Variants in CPQ observed in about 807,000 individuals in gnomAD.
CPQ encodes the protein carboxypeptidase Q.
CPQ carries 37 observed loss-of-function variants against 45.7 expected under a neutral mutation model. The observed-to-expected ratio is 0.81, with a 90% CI of 0.62 to 1.07. The LOEUF (loss-of-function observed/expected upper bound fraction) is 1.07, where lower values mean the gene tolerates loss of function less well. Ranked by LOEUF, CPQ falls within the 50% of genes least tolerant of loss-of-function variation. The pLI, the probability that CPQ is intolerant of heterozygous loss-of-function variation, is 0.00. For synonymous variants in CPQ, 186 were observed against 205.8 expected (o/e 0.90, Z 0.82); for missense variants, 537 against 572.9 (o/e 0.94, Z 0.64).
At chr8:96,831,631 G>A (rs1811461922) in intron 2 of CPQ, among the ~76,000 whole-genome samples, 1 of 152,058 alleles carries the variant, frequency 6.6e-6, no homozygotes, top group Non-Finnish European at 1.5e-5. Context: ...TATTCCATTT[G>A]AGCAAAAATC....
intron 7 of CPQ, among the ~76,000 whole-genome samples, chr8:97,111,369 C>T (rs1220022801): frequency 1.3e-5 from 2 of 152,114 alleles, no homozygotes; most frequent in Non-Finnish European, 2.9e-5. Flanking sequence ...TACAACCTTC[C>T]CAGGATGAGA....
intron 2 of CPQ, among the ~76,000 whole-genome samples, chr8:96,834,120 C>G (rs1405671974): frequency 1.3e-5 from 2 of 152,132 alleles, no homozygotes; most frequent in Admixed American, 1.3e-4. Context: ...CCCTTTTACT[C>G]TAACTACTCC....
chr8:96,872,400 G>T (rs1222337046), intron 3 of CPQ, among the ~76,000 whole-genome samples: 2 of 151,766 alleles, frequency 1.3e-5, no homozygotes, highest in African/African-American at 4.8e-5. Context: ...TTTGGATTAG[G>T]GATGCTTAAA....
intron 1 of CPQ, among the ~76,000 whole-genome samples, chr8:96,735,266 G>A (rs1809967570): frequency 6.6e-6 from 1 of 152,098 alleles, no homozygotes; most frequent in Non-Finnish European, 1.5e-5. Context: ...ACTAGCCTAG[G>A]GCCTGGCATA....
intron 5 of CPQ, among the ~76,000 whole-genome samples, chr8:97,005,775 T>C (rs1809371649): frequency 6.6e-6 from 1 of 152,192 alleles, no homozygotes; most frequent in Non-Finnish European, 1.5e-5. Flanking sequence ...ATCAGTTTAA[T>C]GCAGTGAAAT....
At position 96,779,900 on chromosome 8, in the gene CPQ, T is replaced by G. The variant is rs566198845; in HGVS notation, c.-34-4964T>G. Among the ~76,000 whole-genome samples the G allele has an allele frequency of 2.6e-4, 40 of 152,292 alleles. No homozygotes were observed. In the South Asian group the frequency reaches 8.1e-3, roughly 31 times the overall value. ...AGTGGCTTTAGAAACCAGGACCCTA[T>G]GCATATAAATAGTTGTAATAAAAAG... On this transcript the variant is annotated intron_variant, in intron 1 of 7. Transcript: ENST00000220763.
rs748555287 is a variant in CPQ at position 96,785,253 on chromosome 8, C to CA, written c.357dup (p.Ala120SerfsTer10). 8.1e-6 allele frequency: 13 copies of CA among 1,613,448 alleles called. No individual in the cohort carries two copies. Among genetic ancestry groups the CA allele is most frequent in the Non-Finnish European group, 1.1e-5 (13 of 1,179,760 alleles). ...CCCCACTGGGAGAGGGGAGAAGAATCAGCTGTGATGCTGGAGCCAAGAATT... is the reference window on the plus strand; with the variant it reads ...CCCCACTGGGAGAGGGGAGAAGAATCAAGCTGTGATGCTGGAGCCAAGAATT... On this transcript the variant is annotated frameshift_variant, in exon 2 of 8. Transcript: ENST00000220763. LOFTEE classifies it high-confidence loss of function.
chr8:96,877,993 C>CAG (rs1159024233), intron 3 of CPQ, among the ~76,000 whole-genome samples: 1 of 151,852 alleles, frequency 6.6e-6, no homozygotes, highest in Non-Finnish European at 1.5e-5. Context: ...GACGGAGTCT[C>CAG]GCTCTGTCGC....
Position 96,690,629 on chromosome 8 carries a change from A to C in CPQ, c.-35+45227A>C, listed in dbSNP as rs180853506. Among the ~76,000 whole-genome samples, 67 of 152,296 alleles carry C rather than the reference A, an allele frequency of 4.4e-4. 2 individuals are homozygous for C. In the East Asian group the frequency reaches 0.011, roughly 25 times the overall value. ...GAAGATTGTTTTCTGCTGTAGCCATATGTAGTTTCTTTTGACATCTTCTTG... is the reference window on the plus strand; with the variant it reads ...GAAGATTGTTTTCTGCTGTAGCCATCTGTAGTTTCTTTTGACATCTTCTTG... On this transcript the variant is annotated intron_variant, in intron 1 of 7. Transcript: ENST00000220763.
chr8:96,680,568 T>TAA (rs1280293770), intron 1 of CPQ: 1 of 152,256 alleles, frequency 6.6e-6, no homozygotes, highest in Non-Finnish European at 1.5e-5. Flanking sequence ...TAAACCTCTT[T>TAA]ATTTTGTAAA....
intron 4 of CPQ, among the ~76,000 whole-genome samples, chr8:96,953,900 G>A (rs1813310216): frequency 6.6e-6 from 1 of 152,100 alleles, no homozygotes; most frequent in South Asian, 2.1e-4. Context: ...TATTATTTGT[G>A]CTTCAGGATA....
chr8:97,124,669 T>C (rs975706577), intron 7 of CPQ, among the ~76,000 whole-genome samples: 11 of 152,274 alleles, frequency 7.2e-5, no homozygotes, highest in South Asian at 4.1e-4. Context: ...ATCACACTTC[T>C]AAATAAGCCA....
At chr8:96,856,546 GT>G (rs1811853941) in intron 3 of CPQ, among the ~76,000 whole-genome samples, 1 of 152,140 alleles carries the variant, frequency 6.6e-6, no homozygotes, top group Non-Finnish European at 1.5e-5. Flanking sequence ...CTTGCTTATC[GT>G]GTTCACTGCC....
Position 96,854,530 on chromosome 8 carries a change from CAAAAAAAAAAA to C in CPQ, c.641+19369_641+19379del, listed in dbSNP as rs1156706371. Among the ~76,000 whole-genome samples, 17 of 8,698 alleles carry C rather than the reference CAAAAAAAAAAA, an allele frequency of 2.0e-3. 1 individual carries two copies. The highest frequency in any genetic ancestry group is 4.6e-3 in the Admixed American group (2 of 438). 5.7% of individuals were successfully genotyped at this position (8,698 alleles called of 152,430 possible). A position where few individuals can be genotyped will look rare whatever the true frequency, so the allele number is the denominator to read the frequency against. ...TGGGCGACAGAGCGAGACTCCGTCT[CAAAAAAAAAAA>C]AAAAAAAAAAAAAAAAAATGTGGTG... is the stretch of plus-strand genomic sequence containing the variant. On this transcript the variant is annotated intron_variant, in intron 3 of 7. Transcript: ENST00000220763.
intron 2 of CPQ, among the ~76,000 whole-genome samples, chr8:96,816,098 C>A (rs974616343): frequency 3.3e-5 from 5 of 152,196 alleles, no homozygotes; most frequent in East Asian, 1.9e-4. Flanking sequence ...ATGAAAGATT[C>A]TTCTGGAGTA....
intron 7 of CPQ, among the ~76,000 whole-genome samples, chr8:97,104,757 C>T (rs1811375387): frequency 6.6e-6 from 1 of 152,166 alleles, no homozygotes; most frequent in Non-Finnish European, 1.5e-5. Context: ...GATCTAGAAT[C>T]CCTCAGTGTT....
intron 4 of CPQ, among the ~76,000 whole-genome samples, chr8:96,911,872 C>T (rs1260004487): frequency 6.6e-6 from 1 of 152,204 alleles, no homozygotes; most frequent in Admixed American, 6.5e-5. Flanking sequence ...CCAGAAGCAG[C>T]ATCGTTCATA....
chr8:97,129,437 T>A (rs1404062984), intron 7 of CPQ, among the ~76,000 whole-genome samples: 2 of 152,156 alleles, frequency 1.3e-5, no homozygotes, highest in African/African-American at 4.8e-5. Flanking sequence ...AATTATAGAA[T>A]CATTGTGAGG....
chr8:96,811,038 A>G (rs1472767243), intron 2 of CPQ, among the ~76,000 whole-genome samples: 2 of 152,200 alleles, frequency 1.3e-5, no homozygotes, highest in Non-Finnish European at 2.9e-5. Flanking sequence ...AGAATCTGAT[A>G]AAGTAATTTT....
Sources: allele counts gnomAD v4.1 joint callset (sites outside exome capture counted in the v4.1 genomes callset), GRCh38; gene constraint gnomAD v4.1.1; transcripts MANE v1.5; gene names NCBI Gene and HGNC (gene_info 2026-07-23, HGNC 2026-07-21).